The following PLA2G4F variants were observed in gnomAD, a reference collection of about 807,000 sequenced individuals.
The protein encoded by PLA2G4F is cytosolic phospholipase A2 zeta.
A neutral mutation model predicts 103.1 loss-of-function variants in PLA2G4F; 105 were observed. That is an observed-to-expected ratio of 1.02 (90% CI 0.87 to 1.20). PLA2G4F has a LOEUF of 1.20. Among genes scored for constraint, PLA2G4F ranks in the 50% most tolerant of loss-of-function variants. The pLI is 0.00. For synonymous variants in PLA2G4F, 468 were observed against 441.1 expected (o/e 1.06, Z -0.76); for missense variants, 1,155 against 1,075.9 (o/e 1.07, Z -1.03).
At position 42,153,659 on chromosome 15, in the gene PLA2G4F, T is replaced by G. The variant is rs760137540; in HGVS notation, c.452A>C (p.Asp151Ala). The change falls in exon 5 of 20, where the codon GAT becomes GCT. Residue 151 changes from aspartate to alanine, a missense_variant and splice_region_variant. Transcript: ENST00000397272. ...AAATTCCACCTGCAGCTCTTGTGAA[T>G]CCTACATGGAGGGGGAGGGAGCACC... ...HKHTFPLNHQ[D>A]SQELQVEFVL... 7 of 1,613,998 alleles carry G rather than the reference T, an allele frequency of 4.3e-6. No individual in the cohort carries two copies. In the Admixed American group the frequency reaches 6.7e-5, roughly 15 times the overall value.
In PLA2G4F at chr15:42,156,565, G is replaced by A. The variant is rs1006291654; in HGVS notation, c.-16C>T. 2.0e-6 allele frequency: 3 copies of A among 1,525,218 alleles called. No individual in the cohort carries two copies. Among genetic ancestry groups the A allele is most frequent in the East Asian group, 5.0e-5 (2 of 40,050 alleles). The allele number at this position is 1,525,218 out of a possible 1,614,324, so 94.5% of individuals were successfully genotyped here. Reference sequence around the variant, plus strand: ...CCCAAAGCATGGCTGGGCAGCCCGGGCCCCAGCAGGGAACCCTGCCTGCGC... The same window carrying A: ...CCCAAAGCATGGCTGGGCAGCCCGGACCCCAGCAGGGAACCCTGCCTGCGC... On this transcript the variant is annotated 5_prime_UTR_variant, in exon 1 of 20. Coordinates refer to ENST00000397272, the MANE Select transcript of PLA2G4F (RefSeq NM_213600.4).
At chr15:42,144,354 C>T (rs2048857638) in intron 17 of PLA2G4F, 96 bp downstream of exon 17, 1 of 1,519,754 alleles carries the variant, frequency 6.6e-7, no homozygotes, top group Non-Finnish European at 9.0e-7. Context: ...GGAGACCACA[C>T]CTCAACCCCC....
chr15:42,151,946 CT>C (rs747452073), intron 7 of PLA2G4F, among the ~76,000 whole-genome samples: 1 of 152,224 alleles, frequency 6.6e-6, no homozygotes, highest in East Asian at 1.9e-4. Flanking sequence ...AGCCCAGGGC[CT>C]GCCTCAGAGT....
At position 42,155,518 on chromosome 15, in the gene PLA2G4F, C is replaced by T. The variant is rs775164348; in HGVS notation, c.183G>A (p.Leu61=). Residue 61 remains leucine, a splice_region_variant and synonymous_variant, in exon 2 of 20, where the codon CTG becomes CTA. Coordinates refer to ENST00000397272, the MANE Select transcript of PLA2G4F (RefSeq NM_213600.4). ...LRATNIRGTD[L]LSKADCYVQL... ...AAGGATGGAGATGGGGTCACTCACG[C>T]AGGTCTGTGCCCCGGATGTTTGTGG... 1.7e-5 allele frequency: 28 copies of T among 1,613,948 alleles called. No individual in the cohort carries two copies. Among genetic ancestry groups the T allele is most frequent in the Non-Finnish European group, 2.4e-5 (28 of 1,179,926 alleles).
At chr15:42,146,055 T>A in intron 14 of PLA2G4F, 72 bp downstream of exon 14, 1 of 1,582,602 alleles carries the variant, frequency 6.3e-7, no homozygotes, top group Non-Finnish European at 8.7e-7. Flanking sequence ...CTGGGTACCC[T>A]GATCACCCTG....
chr15:42,149,914 G>C, intron 10 of PLA2G4F, 66 bp from the exon 11 acceptor site: 1 of 1,579,436 alleles, frequency 6.3e-7, no homozygotes, highest in Non-Finnish European at 8.7e-7. Flanking sequence ...GGAGAGCCTT[G>C]GGCCCAGCCC....
rs371062043 is a variant in PLA2G4F, at chr15:42,144,175, C to T, written c.1976-31G>A. The T allele has an allele frequency of 5.0e-5, 78 of 1,573,046 alleles. No individual in the cohort carries two copies. The African/African-American group carries it at 6.2e-4, about 13-fold the overall frequency. On this transcript the variant is annotated intron_variant, in intron 17 of 19. Coordinates refer to ENST00000397272, the MANE Select transcript of PLA2G4F (RefSeq NM_213600.4). ...AGGAACCCATGTGTACGCACAGGGACGAATGCAGTTACTCTTGCTAGCAAC... is the reference window on the plus strand; with the variant it reads ...AGGAACCCATGTGTACGCACAGGGATGAATGCAGTTACTCTTGCTAGCAAC...
In PLA2G4F at chr15:42,152,744, CAG is replaced by C. The variant is rs1430715995; in HGVS notation, c.543_544del (p.Cys182SerfsTer21). On this transcript the variant is annotated frameshift_variant, in exon 7 of 20. Coordinates refer to ENST00000397272, the MANE Select transcript of PLA2G4F (RefSeq NM_213600.4). LOFTEE classifies it high-confidence loss of function. ...CCGGAGCGTGCCCTGGATTCTCAGA[CAG>C]GGGTGAGCCTGAGGAAAGCAGAGGC... 7.7e-6 allele frequency: 12 copies of C among 1,555,768 alleles called. No homozygotes were observed. In the Admixed American group the frequency reaches 7.8e-5, roughly 10 times the overall value.
At chr15:42,154,632 T>A (rs1431340075) in intron 2 of PLA2G4F, 174 bp from the exon 3 acceptor site, 1 of 626,776 alleles carries the variant, frequency 1.6e-6, no homozygotes, top group Non-Finnish European at 2.5e-6. Context: ...TCCATCTTGA[T>A]TCCACACACC....
chr15:42,143,097 T>C (rs905546328), intron 18 of PLA2G4F, among the ~76,000 whole-genome samples: 5 of 146,790 alleles, frequency 3.4e-5, no homozygotes, highest in Non-Finnish European at 4.4e-5. Flanking sequence ...GAGAATCATT[T>C]GAACCTAGGA....
At position 42,155,515 on chromosome 15, in the gene PLA2G4F, A is replaced by G; in HGVS notation, c.184+2T>C. 6.2e-7 allele frequency: 1 copy of G among 1,614,020 alleles called. No homozygotes were observed. The highest frequency in any genetic ancestry group is 8.5e-7 in the Non-Finnish European group (1 of 1,179,890). On this transcript the variant is annotated splice_donor_variant, in intron 2 of 19. Transcript: ENST00000397272. LOFTEE classifies it high-confidence loss of function. ...GAGAAGGATGGAGATGGGGTCACTCACGCAGGTCTGTGCCCCGGATGTTTG... is the reference window on the plus strand; with the variant it reads ...GAGAAGGATGGAGATGGGGTCACTCGCGCAGGTCTGTGCCCCGGATGTTTG...
chr15:42,142,610 A>C lies in PLA2G4F; in HGVS notation c.2247T>G (p.Phe749Leu). Reference sequence around the variant, plus strand: ...GGGAGCGGGGGTCCTCAGCCTTGGCAAACAGATAGCACTCACGGGCCTCCT... The same window carrying C: ...GGGAGCGGGGGTCCTCAGCCTTGGCCAACAGATAGCACTCACGGGCCTCCT... Reference protein sequence around the residue: ...DMEEARECYLFAKAEDPRSPI... With the variant: ...DMEEARECYLLAKAEDPRSPI... Residue 749 changes from phenylalanine (F) to leucine (L), a missense_variant, in exon 19 of 20, where the codon TTT becomes TTG. Around this residue, in one of 3 missense-constraint regions of PLA2G4F, gnomAD observed 782 missense variants for 692.9 expected, o/e 1.13. Transcript: ENST00000397272. 1 of 1,614,132 alleles carries C rather than the reference A, an allele frequency of 6.2e-7. No homozygotes were observed.
chr15:42,145,583 T>C lies in PLA2G4F; in HGVS notation c.1772A>G (p.Asn591Ser), dbSNP rs760313700. The change falls in exon 16 of 20, where the codon AAT (asparagine) becomes AGT (serine). Residue 591 changes from asparagine to serine, a missense_variant. By Grantham distance (46) the Asn-to-Ser change is conservative (BLOSUM62 1). Coordinates refer to ENST00000397272, the MANE Select transcript of PLA2G4F (RefSeq NM_213600.4). Reference sequence around the variant, plus strand: ...GGGGTCGCTACCCTCACCTGTGATATTCACACTGCCTCTGTACCACTCCAG... The same window carrying C: ...GGGGTCGCTACCCTCACCTGTGATACTCACACTGCCTCTGTACCACTCCAG... Reference protein sequence around the residue: ...SFLEWYRGSVNITDDCQKPQL... With the variant: ...SFLEWYRGSVSITDDCQKPQL... 3.1e-6 allele frequency: 5 copies of C among 1,613,900 alleles called. No individual in the cohort carries two copies. Among genetic ancestry groups the C allele is most frequent in the African/African-American group, 1.3e-5 (1 of 74,906 alleles).
intron 17 of PLA2G4F, 144 bp from the exon 18 acceptor site, chr15:42,144,288 T>C: frequency 1.4e-6 from 2 of 1,393,738 alleles, no homozygotes; most frequent in East Asian, 2.4e-5. Context: ...CCCTTGGCCC[T>C]GCCTTCCAGC....
At chr15:42,144,250 T>G (rs1331138680) in intron 17 of PLA2G4F, 106 bp from the exon 18 acceptor site, 10 of 1,437,670 alleles carry the variant, frequency 7.0e-6, no homozygotes, top group Non-Finnish European at 9.4e-6. Context: ...GAGTTCTCTC[T>G]GACAGCCATG....
intron 10 of PLA2G4F, 48 bp downstream of exon 10, chr15:42,150,056 C>T (rs755457277): frequency 6.2e-7 from 1 of 1,612,652 alleles, no homozygotes; most frequent in South Asian, 1.1e-5. Context: ...TATGTCCCCG[C>T]ACTTCTAGCC....
intron 5 of PLA2G4F, 60 bp from the exon 6 acceptor site, chr15:42,153,402 A>G (rs1298093258): frequency 2.5e-6 from 4 of 1,577,842 alleles, no homozygotes; most frequent in African/African-American, 2.7e-5. Flanking sequence ...GGCCTCTACA[A>G]TCATAATGTG....
chr15:42,145,277 C>T (rs540926378), intron 16 of PLA2G4F, among the ~76,000 whole-genome samples: 2 of 152,252 alleles, frequency 1.3e-5, no homozygotes, highest in Admixed American at 6.5e-5. Context: ...CACCGTGGGG[C>T]CCCCATGAGC....
Position 42,150,442 on chromosome 15 carries a change from G to A in PLA2G4F, c.816C>T (p.Gly272=), listed in dbSNP as rs577270926. The change falls in exon 9 of 20, where the codon GGC becomes GGT. Residue 272 remains glycine, a synonymous_variant. Transcript: ENST00000397272. The part of the protein sequence containing the change: ...AELEAQTSKL[G]EGGILLSSLP... ...GAGAGGAGAGCAGGATGCCCCCCTC[G>A]CCCAGCTTGCTGGTCTGAGCCTCCA... The A allele has an allele frequency of 4.1e-5, 66 of 1,613,204 alleles. No individual in the cohort carries two copies. The highest frequency in any genetic ancestry group is 5.2e-5 in the Non-Finnish European group (61 of 1,179,910).
Sources: gnomAD v4.1 joint callset for allele counts (sites outside exome capture counted in the v4.1 genomes callset) on GRCh38, gnomAD v4.1.1 for gene constraint, gnomAD v4.1.1 regional missense constraint, MANE v1.5 for transcripts, NCBI Gene and HGNC (gene_info 2026-07-23, HGNC 2026-07-21) for gene names.